The following SLC24A3 variants were observed in gnomAD, a reference collection of about 807,000 sequenced individuals.
SLC24A3 encodes the protein solute carrier family 24 member 3, also known as sodium/potassium/calcium exchanger 3.
SLC24A3 carries 28 observed loss-of-function variants against 75.8 expected under a neutral mutation model. That is an observed-to-expected ratio of 0.37 (90% CI 0.27 to 0.51). SLC24A3 has a LOEUF of 0.51. Among genes scored for constraint, SLC24A3 ranks in the 20% least tolerant of loss-of-function variants. The probability of loss-of-function intolerance (pLI) is 0.94; values close to 1 mark genes in which losing one functional copy is unlikely to be tolerated. For synonymous variants in SLC24A3, 372 were observed against 334.1 expected (o/e 1.11, Z -1.24); for missense variants, 663 against 847.8 (o/e 0.78, Z 2.71).
intron 2 of SLC24A3, among the ~76,000 whole-genome samples, chr20:19,324,383 G>T (rs1418570424): frequency 1.3e-5 from 2 of 152,232 alleles, no homozygotes. Context: ...GGGTTACACA[G>T]ATACTATCGT....
intron 2 of SLC24A3, among the ~76,000 whole-genome samples, chr20:19,332,470 G>A (rs1470473926): frequency 6.6e-6 from 1 of 152,158 alleles, no homozygotes; most frequent in Non-Finnish European, 1.5e-5. Context: ...TGTCTTTAGT[G>A]AAGTCACTCA....
intron 3 of SLC24A3, among the ~76,000 whole-genome samples, chr20:19,542,977 T>A (rs929942130): frequency 6.6e-6 from 1 of 152,166 alleles, no homozygotes; most frequent in Non-Finnish European, 1.5e-5. Context: ...ACACCAACCA[T>A]GCAGCCTTAA....
intron 6 of SLC24A3, among the ~76,000 whole-genome samples, chr20:19,590,207 T>G (rs767908840): frequency 6.6e-6 from 1 of 151,492 alleles, no homozygotes; most frequent in African/African-American, 2.4e-5. Context: ...GCACAAACAA[T>G]GTGCAGCTAG....
chr20:19,257,501 C>G (rs548651129), intron 1 of SLC24A3: 2 of 152,320 alleles, frequency 1.3e-5, no homozygotes, highest in East Asian at 3.9e-4. Context: ...CCAAAAGGCT[C>G]AATGTCAAAA....
intron 6 of SLC24A3, among the ~76,000 whole-genome samples, chr20:19,615,374 A>C (rs1410489929): frequency 6.6e-6 from 1 of 152,202 alleles, no homozygotes; most frequent in Non-Finnish European, 1.5e-5. Flanking sequence ...TTATAAAGAA[A>C]ATAGTTTTAA....
intron 2 of SLC24A3, among the ~76,000 whole-genome samples, chr20:19,375,568 T>C (rs1986070148): frequency 6.6e-6 from 1 of 152,230 alleles, no homozygotes; most frequent in African/African-American, 2.4e-5. Flanking sequence ...ACTGCATTTC[T>C]TCTGCACATT....
chr20:19,254,675 C>T (rs1982758921), intron 1 of SLC24A3, among the ~76,000 whole-genome samples: 1 of 152,204 alleles, frequency 6.6e-6, no homozygotes, highest in African/African-American at 2.4e-5. Flanking sequence ...AGGGTGGCCA[C>T]ACATGTTCCC....
At chr20:19,598,088 A>G (rs142238806) in intron 6 of SLC24A3, among the ~76,000 whole-genome samples, 2 of 152,344 alleles carry the variant, frequency 1.3e-5, no homozygotes, top group East Asian at 3.9e-4. Flanking sequence ...GAAGTGAAGG[A>G]CACAATCAAA....
At chr20:19,303,515 G>A (rs934911858) in intron 2 of SLC24A3, among the ~76,000 whole-genome samples, 1 of 152,096 alleles carries the variant, frequency 6.6e-6, no homozygotes, top group African/African-American at 2.4e-5. Flanking sequence ...ATGTTCCTTT[G>A]GGTGTATACC....
intron 2 of SLC24A3, among the ~76,000 whole-genome samples, chr20:19,381,875 A>C (rs1038229899): frequency 2.6e-5 from 4 of 152,294 alleles, no homozygotes; most frequent in Non-Finnish European, 5.9e-5. Context: ...CAACATGGTG[A>C]CTGGAGGGGC....
chr20:19,450,279 C>G (rs1987457702), intron 2 of SLC24A3, among the ~76,000 whole-genome samples: 1 of 152,230 alleles, frequency 6.6e-6, no homozygotes, highest in Non-Finnish European at 1.5e-5. Context: ...CAGCAACTTT[C>G]AAACTCCAGA....
chr20:19,289,735 C>T (rs1291771517), intron 2 of SLC24A3, among the ~76,000 whole-genome samples: 1 of 152,204 alleles, frequency 6.6e-6, no homozygotes, highest in Non-Finnish European at 1.5e-5. Flanking sequence ...CTCCCACCCA[C>T]CTGGCTCCCC....
chr20:19,510,018 G>T (rs533142141), intron 2 of SLC24A3, among the ~76,000 whole-genome samples: 1 of 152,198 alleles, frequency 6.6e-6, no homozygotes. Context: ...GCAAGGCAAC[G>T]AGTGAAATAA....
chr20:19,595,750 T>A lies in SLC24A3; in HGVS notation c.612+10206T>A, dbSNP rs544495445. ...GCATCTGAACCAATCAATGATCAGA[T>A]AATAGAAGACAAAAGTTATTGATGG... On this transcript the variant is annotated intron_variant, in intron 6 of 16. Transcript: ENST00000328041. Among the ~76,000 whole-genome samples, 116 of 152,276 alleles carry A rather than the reference T, an allele frequency of 7.6e-4. No individual in the cohort carries two copies. In the South Asian group the frequency reaches 0.012, roughly 16 times the overall value.
intron 9 of SLC24A3, among the ~76,000 whole-genome samples, chr20:19,677,686 C>CTTTTTTTTTTTTTTTTTTTTTTT (rs796484728): frequency 2.4e-4 from 27 of 113,930 alleles, no homozygotes; most frequent in South Asian, 3.2e-4. Flanking sequence ...TTTTTTTTTT[C>CTTTTTTTTTTTTTTTTTTTTTTT]TTTTTTTTTT....
chr20:19,563,589 C>T (rs563371169), intron 3 of SLC24A3, among the ~76,000 whole-genome samples: 76 of 152,276 alleles, frequency 5.0e-4, no homozygotes, highest in African/African-American at 1.6e-3. Flanking sequence ...CTTGAAGAGG[C>T]GCCAGATTAC....
chr20:19,632,988 GT>G (rs916689336), intron 6 of SLC24A3, among the ~76,000 whole-genome samples: 11 of 152,166 alleles, frequency 7.2e-5, no homozygotes, highest in African/African-American at 2.7e-4. Flanking sequence ...GAGAAAAATA[GT>G]TTTTTTAATA....
chr20:19,569,583 C>G (rs1012036898), intron 3 of SLC24A3, among the ~76,000 whole-genome samples: 1 of 152,164 alleles, frequency 6.6e-6, no homozygotes, highest in African/African-American at 2.4e-5. Flanking sequence ...AGCCCCAGGG[C>G]TCCCACACCT....
At chr20:19,415,305 C>T (rs1986808425) in intron 2 of SLC24A3, among the ~76,000 whole-genome samples, 1 of 152,334 alleles carries the variant, frequency 6.6e-6, no homozygotes, top group South Asian at 2.1e-4. Context: ...CCTTTTCATG[C>T]CTGCATGTTA....
Sources: gnomAD v4.1 joint callset for allele counts (sites outside exome capture counted in the v4.1 genomes callset) on GRCh38, gnomAD v4.1.1 for gene constraint, MANE v1.5 for transcripts, NCBI Gene and HGNC (gene_info 2026-07-23, HGNC 2026-07-21) for gene names.